The following CLSTN2 variants were observed in gnomAD, a reference collection of about 807,000 sequenced individuals.
CLSTN2 encodes calsyntenin-2.
In CLSTN2, 48 loss-of-function variants were observed where a neutral mutation model predicts 101.2. That is an observed-to-expected ratio of 0.47 (90% CI 0.38 to 0.60). The LOEUF (loss-of-function observed/expected upper bound fraction) is 0.60. Among genes scored for constraint, CLSTN2 ranks in the 20% least tolerant of loss-of-function variants. The probability of loss-of-function intolerance (pLI) is 0.00; values close to 1 mark genes in which losing one functional copy is unlikely to be tolerated. For synonymous variants in CLSTN2, 481 were observed against 463.6 expected, an observed-to-expected ratio of 1.04 and a Z score of -0.48; for missense variants, 1,160 against 1,238.2, an observed-to-expected ratio of 0.94 and a Z score of 0.95.
At chr3:140,011,748 G>A (rs2007078087) in intron 1 of CLSTN2, among the ~76,000 whole-genome samples, 3 of 152,024 alleles carry the variant, frequency 2.0e-5, no homozygotes, top group African/African-American at 7.3e-5. Context: ...CTGTGACCTT[G>A]CATGAGAGTT....
rs2088281705 is a variant in CLSTN2, at chr3:140,404,587, T to TCAA, written c.460_462dup (p.Asn154dup). The TCAA allele has an allele frequency of 5.6e-6, 9 of 1,614,188 alleles. No homozygotes were observed. The highest frequency in any genetic ancestry group is 6.8e-6 in the Non-Finnish European group (8 of 1,180,038). On this transcript the variant is annotated inframe_insertion, in exon 4 of 17. Coordinates refer to ENST00000458420, the MANE Select transcript of CLSTN2 (RefSeq NM_022131.3). ...GTGGTCCATATACAGGTGAAGGATG[T>TCAA]CAACGAGTTTGCTCCCACCTTCAAA... is the stretch of plus-strand genomic sequence containing the variant.
At chr3:140,314,077 G>A (rs57193140) in intron 2 of CLSTN2, among the ~76,000 whole-genome samples, 5,950 of 152,174 alleles carry the variant, frequency 0.039, 234 homozygotes, top group South Asian at 0.1. Flanking sequence ...AGCAAACATT[G>A]GTTCATGACA....
At chr3:140,505,329 G>A (rs1381263573) in intron 8 of CLSTN2, among the ~76,000 whole-genome samples, 1 of 152,154 alleles carries the variant, frequency 6.6e-6, no homozygotes, top group Non-Finnish European at 1.5e-5. Flanking sequence ...AAGTCCCTGT[G>A]GTGAAAGGTC....
At chr3:140,447,779 A>C (rs1045419948) in intron 5 of CLSTN2, among the ~76,000 whole-genome samples, 4 of 152,206 alleles carry the variant, frequency 2.6e-5, no homozygotes, top group African/African-American at 9.7e-5. Context: ...GGGGCACAAC[A>C]CTCAAAAATG....
intron 2 of CLSTN2, among the ~76,000 whole-genome samples, chr3:140,351,940 G>A (rs1209182723): frequency 6.6e-6 from 1 of 151,038 alleles, no homozygotes; most frequent in African/African-American, 2.4e-5. Flanking sequence ...TACAGAGAAG[G>A]ACAAAACTGG....
chr3:140,085,097 C>G (rs1425134331), intron 1 of CLSTN2, among the ~76,000 whole-genome samples: 1 of 152,212 alleles, frequency 6.6e-6, no homozygotes, highest in Non-Finnish European at 1.5e-5. Flanking sequence ...TTCTTGCAGC[C>G]TCTCTCCACC....
intron 12 of CLSTN2, among the ~76,000 whole-genome samples, chr3:140,559,589 T>A: frequency 6.7e-6 from 1 of 148,224 alleles, no homozygotes; most frequent in African/African-American, 2.5e-5. Flanking sequence ...AGAAGGAAAC[T>A]GGGAAAGGAA....
At chr3:140,357,274 T>A (rs910953634) in intron 2 of CLSTN2, among the ~76,000 whole-genome samples, 1 of 152,194 alleles carries the variant, frequency 6.6e-6, no homozygotes, top group African/African-American at 2.4e-5. Context: ...TCTTCTAAAG[T>A]TGCAACAATG....
intron 2 of CLSTN2, among the ~76,000 whole-genome samples, chr3:140,344,654 C>T (rs1175793244): frequency 6.6e-6 from 1 of 152,138 alleles, no homozygotes; most frequent in Non-Finnish European, 1.5e-5. Flanking sequence ...GGCCACCTCC[C>T]CTGGGGTACC....
At position 140,128,669 on chromosome 3, in the gene CLSTN2, A is replaced by G. The variant is rs189859634; in HGVS notation, c.110-47282A>G. Among the ~76,000 whole-genome samples the G allele has an allele frequency of 2.6e-3, 403 of 152,282 alleles. 5 individuals are homozygous for G. Among genetic ancestry groups the G allele is most frequent in the Admixed American group, 0.023 (350 of 15,304 alleles). On this transcript the variant is annotated intron_variant, in intron 1 of 16. Coordinates refer to ENST00000458420, the MANE Select transcript of CLSTN2 (RefSeq NM_022131.3). ...GGATCAGCTGCATTACAGTGATCCT[A>G]CTGGGAGAGATCTGGGCGAATAAAT...
intron 6 of CLSTN2, among the ~76,000 whole-genome samples, chr3:140,458,898 C>A (rs569673601): frequency 3.3e-4 from 50 of 152,346 alleles, no homozygotes; most frequent in Non-Finnish European, 5.3e-4. Context: ...AATTCAATTT[C>A]TGCTGACTTC....
At chr3:139,998,147 G>T (rs1400300833) in intron 1 of CLSTN2, among the ~76,000 whole-genome samples, 1 of 151,920 alleles carries the variant, frequency 6.6e-6, no homozygotes, top group Non-Finnish European at 1.5e-5. Context: ...GTGCAGTGTT[G>T]GTCCAGGACA....
chr3:139,939,215 A>C (rs1033812069), intron 1 of CLSTN2, among the ~76,000 whole-genome samples: 2 of 152,192 alleles, frequency 1.3e-5, no homozygotes, highest in African/African-American at 4.8e-5. Flanking sequence ...ATTTCAGTGT[A>C]TGGAGTCCCT....
intron 8 of CLSTN2, among the ~76,000 whole-genome samples, chr3:140,478,660 G>T (rs1048985813): frequency 1.3e-5 from 2 of 152,144 alleles, no homozygotes; most frequent in African/African-American, 4.8e-5. Flanking sequence ...TGCAGTGATG[G>T]TTGCACAACT....
intron 2 of CLSTN2, among the ~76,000 whole-genome samples, chr3:140,373,731 C>CT (rs1220880159): frequency 6.6e-6 from 1 of 152,220 alleles, no homozygotes; most frequent in Non-Finnish European, 1.5e-5. Flanking sequence ...GTGTGAGGCT[C>CT]TGACTGTTGG....
At chr3:140,515,115 C>T (rs572238) in intron 8 of CLSTN2, among the ~76,000 whole-genome samples, 152,067 of 152,268 alleles carry the variant, frequency 1, 75,933 homozygotes, top group Non-Finnish European at 1. Context: ...TGTTGTATAC[C>T]TTCAGGAATT....
chr3:140,556,396 G>A (rs1935791348), intron 10 of CLSTN2, 117 bp from the exon 11 acceptor site: 1 of 856,806 alleles, frequency 1.2e-6, no homozygotes, highest in Non-Finnish European at 1.9e-6. Context: ...GTCACTGGCA[G>A]ATGCTCTAGA....
At chr3:140,188,472 G>T (rs1210408529) in intron 2 of CLSTN2, among the ~76,000 whole-genome samples, 1 of 152,126 alleles carries the variant, frequency 6.6e-6, no homozygotes. Context: ...ACCTTGCAGG[G>T]GTTAATCCCA....
At chr3:140,528,636 C>CCAAAAAAAA (rs767409429) in intron 8 of CLSTN2, among the ~76,000 whole-genome samples, 1 of 148,906 alleles carries the variant, frequency 6.7e-6, no homozygotes, top group Non-Finnish European at 1.5e-5. Context: ...GTGCCTCTGA[C>CCAAAAAAAA]AAAAAAAAGA....
Sources: gnomAD v4.1 joint callset for allele counts (sites outside exome capture counted in the v4.1 genomes callset) on GRCh38, gnomAD v4.1.1 for gene constraint, MANE v1.5 for transcripts, NCBI Gene and HGNC (gene_info 2026-07-23, HGNC 2026-07-21) for gene names.